The following RBPMS variants were observed in gnomAD, a reference collection of about 807,000 sequenced individuals.
RBPMS encodes the protein RNA binding protein, mRNA processing factor.
A neutral mutation model predicts 26.8 loss-of-function variants in RBPMS; 7 were observed. That is an observed-to-expected ratio of 0.26 (90% CI 0.15 to 0.49). The LOEUF is 0.49. RBPMS is among the 20% of genes least tolerant of loss of function. RBPMS has a pLI of 0.98. For synonymous variants in RBPMS, 96 were observed against 93.3 expected, an observed-to-expected ratio of 1.03 and a Z score of -0.17; for missense variants, 186 against 250.0, an observed-to-expected ratio of 0.74 and a Z score of 1.73.
intron 1 of RBPMS, among the ~76,000 whole-genome samples, chr8:30,471,219 T>G (rs1458960451): frequency 6.6e-6 from 1 of 152,200 alleles, no homozygotes; most frequent in Non-Finnish European, 1.5e-5. Context: ...TTGGCTACTT[T>G]ATAGAACAAA....
At chr8:30,389,612 C>T (rs1017348610) in intron 1 of RBPMS, among the ~76,000 whole-genome samples, 2 of 151,970 alleles carry the variant, frequency 1.3e-5, no homozygotes, top group Non-Finnish European at 2.9e-5. Context: ...CCTAAGAAAA[C>T]GGTATCATAA....
chr8:30,509,277 C>G (rs993002171), intron 5 of RBPMS, among the ~76,000 whole-genome samples: 1 of 152,160 alleles, frequency 6.6e-6, no homozygotes, highest in African/African-American at 2.4e-5. Context: ...CCTTCCCTCT[C>G]TCAGACAAAA....
At chr8:30,530,144 G>T (rs940140667) in intron 5 of RBPMS, among the ~76,000 whole-genome samples, 1 of 152,122 alleles carries the variant, frequency 6.6e-6, no homozygotes, top group African/African-American at 2.4e-5. Context: ...ATGGACACTT[G>T]AGTTGTTTCC....
At chr8:30,470,413 A>T (rs1221779903) in intron 1 of RBPMS, among the ~76,000 whole-genome samples, 1 of 152,096 alleles carries the variant, frequency 6.6e-6, no homozygotes, top group Non-Finnish European at 1.5e-5. Context: ...TCTAGATCCC[A>T]GTCACCATAG....
chr8:30,486,201 A>T (rs1003777100), intron 4 of RBPMS, among the ~76,000 whole-genome samples: 2 of 152,070 alleles, frequency 1.3e-5, no homozygotes, highest in African/African-American at 4.8e-5. Flanking sequence ...TACAAAATTT[A>T]GCCAGGCATG....
In RBPMS at chr8:30,390,872, C is replaced by A. The variant is rs527969766; in HGVS notation, c.66+5714C>A. ...CTTACATATATACACGTATATAATTCTTTGTAAATATATATGAAATAGCCT... is the reference window on the plus strand; with the variant it reads ...CTTACATATATACACGTATATAATTATTTGTAAATATATATGAAATAGCCT... On this transcript the variant is annotated intron_variant, in intron 1 of 8. Transcript: ENST00000397323. Among the ~76,000 whole-genome samples, 5 of 152,176 alleles carry A rather than the reference C, an allele frequency of 3.3e-5. No individual in the cohort carries two copies. In the East Asian group the frequency reaches 9.6e-4, roughly 29 times the overall value.
intron 1 of RBPMS, among the ~76,000 whole-genome samples, chr8:30,410,830 A>T (rs1809301264): frequency 1.3e-5 from 2 of 151,590 alleles, no homozygotes; most frequent in Non-Finnish European, 2.9e-5. Context: ...CTAAGTCCCA[A>T]GCTCAAGACA....
chr8:30,480,357 G>A (rs1022656600), intron 4 of RBPMS, among the ~76,000 whole-genome samples: 1 of 152,180 alleles, frequency 6.6e-6, no homozygotes, highest in Non-Finnish European at 1.5e-5. Context: ...CATGCAGAGT[G>A]CTGTTGGAGA....
chr8:30,517,189 C>CGTGTGTGTGTGTGTGT (rs56327512), intron 5 of RBPMS, among the ~76,000 whole-genome samples: 6 of 132,562 alleles, frequency 4.5e-5, no homozygotes, highest in East Asian at 4.7e-4. Flanking sequence ...GCCAAGACCC[C>CGTGTGTGTGTGTGTGT]GTGTGTGTGT....
chr8:30,457,949 A>G (rs533243615), intron 1 of RBPMS, among the ~76,000 whole-genome samples: 58 of 152,272 alleles, frequency 3.8e-4, no homozygotes, highest in African/African-American at 1.2e-3. Flanking sequence ...TGAGGAGTTT[A>G]TATATTCATC....
chr8:30,477,657 A>C (rs1817845004), intron 2 of RBPMS, 142 bp from the exon 3 acceptor site: 6 of 602,730 alleles, frequency 1.0e-5, no homozygotes, highest in Non-Finnish European at 1.8e-5. Flanking sequence ...ATGCACATGC[A>C]TGTGTGTAAT....
intron 5 of RBPMS, among the ~76,000 whole-genome samples, chr8:30,520,839 T>A (rs534379307): frequency 4.1e-4 from 62 of 152,174 alleles, no homozygotes; most frequent in African/African-American, 1.5e-3. Context: ...TTTTTTTTTT[T>A]AATTACTAAG....
At position 30,494,393 on chromosome 8, in the gene RBPMS, C is replaced by A. The variant is rs1289307987; in HGVS notation, c.247-9893C>A. On this transcript the variant is annotated intron_variant, in intron 4 of 8. Transcript: ENST00000397323. ...GCTCCATAGCTGATAAGCACTGGGC[C>A]ATAGGGATTAGTGTTTATCAGATGT... 3.3e-5 allele frequency among the ~76,000 whole-genome samples: 5 copies of A among 152,236 alleles called. No individual in the cohort carries two copies. In the East Asian group the frequency reaches 7.7e-4, roughly 24 times the overall value.
chr8:30,462,234 T>C (rs1269568895), intron 1 of RBPMS, among the ~76,000 whole-genome samples: 1 of 152,206 alleles, frequency 6.6e-6, no homozygotes, highest in Non-Finnish European at 1.5e-5. Context: ...CAGCAATATA[T>C]GTGAAAGATT....
intron 1 of RBPMS, among the ~76,000 whole-genome samples, chr8:30,411,136 C>T (rs547529848): frequency 1.3e-5 from 2 of 152,264 alleles, no homozygotes; most frequent in Admixed American, 6.5e-5. Context: ...ATCACAGTTG[C>T]TGAGTTTATT....
At chr8:30,557,183 C>T (rs575008307) in intron 6 of RBPMS, among the ~76,000 whole-genome samples, 16 of 152,332 alleles carry the variant, frequency 1.1e-4, no homozygotes, top group Admixed American at 5.9e-4. Context: ...GGCAGCCTGA[C>T]GGAGTCGTGG....
chr8:30,457,018 A>G (rs6468354), intron 1 of RBPMS, among the ~76,000 whole-genome samples: 101,041 of 152,110 alleles, frequency 0.66, 34,238 homozygotes, highest in Middle Eastern at 0.78. Flanking sequence ...GTACTAAAAC[A>G]CAGACTCTCT....
intron 4 of RBPMS, among the ~76,000 whole-genome samples, chr8:30,482,821 T>A (rs1447321828): frequency 6.6e-6 from 1 of 152,184 alleles, no homozygotes; most frequent in African/African-American, 2.4e-5. Context: ...TTTCTGTACC[T>A]GTTTTGAATT....
intron 7 of RBPMS, among the ~76,000 whole-genome samples, chr8:30,563,424 G>C (rs1331891852): frequency 6.6e-6 from 1 of 152,210 alleles, no homozygotes; most frequent in Admixed American, 6.5e-5. Context: ...TGAGAGTGAG[G>C]CAGCTTTCTT....
Sources: allele counts gnomAD v4.1 joint callset (sites outside exome capture counted in the v4.1 genomes callset), GRCh38; gene constraint gnomAD v4.1.1; transcripts MANE v1.5; gene names NCBI Gene and HGNC (gene_info 2026-07-23, HGNC 2026-07-21).